The following L2HGDH variants were observed in gnomAD, a reference collection of about 807,000 sequenced individuals.
The protein encoded by L2HGDH is L-2-hydroxyglutarate dehydrogenase.
L2HGDH carries 34 observed loss-of-function variants against 51.5 expected under a neutral mutation model. That is an observed-to-expected ratio of 0.66 (90% confidence interval 0.50 to 0.88). The LOEUF is 0.88. L2HGDH is among the 40% of genes least tolerant of loss of function. The probability of loss-of-function intolerance (pLI) is 0.00; values close to 1 mark genes in which losing one functional copy is unlikely to be tolerated. For missense variants in L2HGDH, 558 were observed against 571.9 expected (o/e 0.98, Z 0.25); for synonymous variants, 198 against 197.9 (o/e 1.00, Z -0.01).
At chr14:50,295,387 G>T (rs560579545) in intron 3 of L2HGDH, among the ~76,000 whole-genome samples, 2 of 151,758 alleles carry the variant, frequency 1.3e-5, no homozygotes, top group Non-Finnish European at 2.9e-5. Context: ...AAAAAAATTT[G>T]TATCTATTTT....
chr14:50,258,668 C>T (rs997686020), intron 9 of L2HGDH, among the ~76,000 whole-genome samples: 1 of 151,748 alleles, frequency 6.6e-6, no homozygotes, highest in African/African-American at 2.4e-5. Flanking sequence ...AACATGCCAC[C>T]ACACCCAGCT....
chr14:50,310,916 T>C (rs150255722), intron 1 of L2HGDH, among the ~76,000 whole-genome samples: 18 of 149,836 alleles, frequency 1.2e-4, no homozygotes, highest in Middle Eastern at 3.5e-3. Context: ...TATTAGCCTC[T>C]TCTTTTTTTC....
In L2HGDH at chr14:50,250,182, A is replaced by T. The variant is rs537286768; in HGVS notation, c.1197-2929T>A. ...CTTCCAAAGTGTTGGGATTACAGGC[A>T]TGAGCCACCGTGTCTGGCCCAGGCC... On this transcript the variant is annotated intron_variant, in intron 9 of 9. Transcript: ENST00000267436. 2.6e-4 allele frequency among the ~76,000 whole-genome samples: 39 copies of T among 152,308 alleles called. No homozygotes were observed. In the East Asian group the frequency reaches 6.2e-3, roughly 24 times the overall value.
chr14:50,302,956 T>A lies in L2HGDH; in HGVS notation c.202A>T (p.Ile68Phe). 2 of 1,614,090 alleles carry A rather than the reference T, an allele frequency of 1.2e-6. No individual in the cohort carries two copies. The highest frequency in any genetic ancestry group is 1.7e-6 in the Non-Finnish European group (2 of 1,179,954). ...IVGLASARAL[I>F]LRHPSLSIGV... The stretch of plus-strand genomic sequence containing the variant: ...ATAGAAAGTGATGGATGTCGCAGGA[T>A]GAGTGCTCTGGCAGAGGCAAGCCCC... The change falls in exon 2 of 10, where the codon ATC becomes TTC. Residue 68 changes from isoleucine to phenylalanine, a missense_variant. Ile to Phe is a conservative substitution (Grantham distance 21). This residue lies in a region of L2HGDH where 194 missense variants were observed against 187.2 expected (regional missense o/e 1.04). Transcript: ENST00000267436.
chr14:50,296,114 G>A (rs937840366), intron 3 of L2HGDH, among the ~76,000 whole-genome samples: 5 of 152,110 alleles, frequency 3.3e-5, no homozygotes, highest in African/African-American at 1.2e-4. Flanking sequence ...GCTCATGCCT[G>A]TAATCCTAGC....
Position 50,299,251 on chromosome 14 carries a change from A to G in L2HGDH, c.408+2766T>C, listed in dbSNP as rs537588920. 1.2e-4 allele frequency among the ~76,000 whole-genome samples: 18 copies of G among 152,332 alleles called. No individual in the cohort carries two copies. In the South Asian group the frequency reaches 3.7e-3, roughly 32 times the overall value. On this transcript the variant is annotated intron_variant, in intron 3 of 9. Transcript: ENST00000267436. ...TAAATGAATAAATTCCTGGACACATACAACCTACCAAGATTGAACCATGAA... is the reference window on the plus strand; with the variant it reads ...TAAATGAATAAATTCCTGGACACATGCAACCTACCAAGATTGAACCATGAA...
intron 4 of L2HGDH, among the ~76,000 whole-genome samples, chr14:50,290,952 C>A (rs994005380): frequency 6.6e-6 from 1 of 152,038 alleles, no homozygotes; most frequent in African/African-American, 2.4e-5. Flanking sequence ...ATAATCCCAG[C>A]ACTTTGGGAG....
rs923455773 is a variant in L2HGDH, at chr14:50,251,711, T to C, written c.1197-4458A>G. On this transcript the variant is annotated intron_variant, in intron 9 of 9. Coordinates refer to ENST00000267436, the MANE Select transcript of L2HGDH (RefSeq NM_024884.3). ...GGAAACCTTACAGGCCAGGAGGGAGTGGCATGACATATTTAAAGTGCTGAA... is the reference window on the plus strand; with the variant it reads ...GGAAACCTTACAGGCCAGGAGGGAGCGGCATGACATATTTAAAGTGCTGAA... Among the ~76,000 whole-genome samples, 6 of 151,456 alleles carry C rather than the reference T, an allele frequency of 4.0e-5. No homozygotes were observed. In the East Asian group the frequency reaches 1.2e-3, roughly 29 times the overall value.
At chr14:50,261,522 C>T (rs1378159183) in intron 9 of L2HGDH, among the ~76,000 whole-genome samples, 6 of 152,100 alleles carry the variant, frequency 3.9e-5, no homozygotes, top group East Asian at 1.9e-4. Context: ...TTGTTCTCTC[C>T]ACCAGGCTGG....
intron 4 of L2HGDH, among the ~76,000 whole-genome samples, 193 bp downstream of exon 4, chr14:50,293,922 T>C (rs886330921): frequency 6.6e-6 from 1 of 152,202 alleles, no homozygotes; most frequent in Non-Finnish European, 1.5e-5. Flanking sequence ...TCAGACCTGG[T>C]ATTTTCTCAC....
rs539115128 is a variant in L2HGDH, at chr14:50,244,171, G to C, written c.*2887C>G. ...TGTGCATGTGTCTTTATAGCAGCAT[G>C]ATTTATAGTCCCTTGGGTATATACC... On this transcript the variant is annotated 3_prime_UTR_variant, in exon 10 of 10. Coordinates refer to ENST00000267436, the MANE Select transcript of L2HGDH (RefSeq NM_024884.3). 92 of 154,258 alleles carry C rather than the reference G, an allele frequency of 6.0e-4. No individual in the cohort carries two copies. Among genetic ancestry groups the C allele is most frequent in the Non-Finnish European group, 1.1e-3 (79 of 69,898 alleles). The allele number at this position is 154,258 out of a possible 1,614,324, so 9.6% of individuals were successfully genotyped here.
chr14:50,298,553 G>A (rs897717199), intron 3 of L2HGDH, among the ~76,000 whole-genome samples: 3 of 152,024 alleles, frequency 2.0e-5, no homozygotes, highest in South Asian at 4.1e-4. Flanking sequence ...GACCTCAGGT[G>A]ATCCCCCGCC....
intron 9 of L2HGDH, among the ~76,000 whole-genome samples, chr14:50,262,030 A>G (rs1042233364): frequency 6.6e-6 from 1 of 152,204 alleles, no homozygotes; most frequent in African/African-American, 2.4e-5. Context: ...TTTACTATTT[A>G]CTAATGCCTG....
chr14:50,267,904 C>T lies in L2HGDH; in HGVS notation c.913G>A (p.Asp305Asn), dbSNP rs1375703513. 6.2e-7 allele frequency: 1 copy of T among 1,613,940 alleles called. No individual in the cohort carries two copies. Among genetic ancestry groups the T allele is most frequent in the Admixed American group, 1.7e-5 (1 of 60,014 alleles). Residue 305 changes from aspartate (D) to asparagine (N), a missense_variant, in exon 8 of 10, where the codon GAT (aspartate) becomes AAT (asparagine). By Grantham distance (23) the Asp-to-Asn change is conservative (BLOSUM62 1). This residue lies in a region of L2HGDH where 321 missense variants were observed against 311.8 expected (regional missense o/e 1.03). Transcript: ENST00000267436. ...LVKGNIYPVP[D>N]SRFPFLGVHF... ...ACTCCTAGGAAAGGAAACCGGCTAT[C>T]TGGGACCTATAAATTTAACATAGTA...
At chr14:50,268,007 T>A (rs963559786) in intron 7 of L2HGDH, 97 bp from the exon 8 acceptor site, 3 of 1,156,334 alleles carry the variant, frequency 2.6e-6, no homozygotes, top group African/African-American at 3.0e-5. Flanking sequence ...TTTCTTCTCA[T>A]GCATTTAATT....
chr14:50,286,220 C>T (rs536058704), intron 4 of L2HGDH, among the ~76,000 whole-genome samples: 3 of 152,202 alleles, frequency 2.0e-5, no homozygotes, highest in African/African-American at 7.2e-5. Flanking sequence ...ACCAATAGTG[C>T]TAACAAAATG....
intron 9 of L2HGDH, among the ~76,000 whole-genome samples, chr14:50,253,066 T>C (rs955289549): frequency 8.5e-5 from 13 of 152,048 alleles, no homozygotes; most frequent in Admixed American, 1.3e-4. Context: ...TTCAAAAAAT[T>C]TGGAATAATA....
chr14:50,266,891 T>C (rs1034093871), intron 8 of L2HGDH, among the ~76,000 whole-genome samples: 1 of 152,176 alleles, frequency 6.6e-6, no homozygotes, highest in African/African-American at 2.4e-5. Context: ...CTTACAATAG[T>C]AAAGAATCTG....
At chr14:50,299,108 G>A (rs759863726) in intron 3 of L2HGDH, among the ~76,000 whole-genome samples, 61 of 151,646 alleles carry the variant, frequency 4.0e-4, no homozygotes, top group Non-Finnish European at 6.8e-4. Context: ...GAGAAGACCC[G>A]GATAAATAAA....
Sources: allele counts gnomAD v4.1 joint callset (sites outside exome capture counted in the v4.1 genomes callset), GRCh38; gene constraint gnomAD v4.1.1; regional missense constraint gnomAD v4.1.1; transcripts MANE v1.5; gene names NCBI Gene and HGNC (gene_info 2026-07-23, HGNC 2026-07-21).